The following RALGAPA2 variants were observed in gnomAD, a reference collection of about 807,000 sequenced individuals.
RALGAPA2 encodes the protein Ral GTPase activating protein catalytic subunit alpha 2, also known as ral GTPase-activating protein subunit alpha-2.
A neutral mutation model predicts 230.4 loss-of-function variants in RALGAPA2; 139 were observed. The ratio of observed to expected loss-of-function variants is 0.60; its 90% CI spans 0.53 to 0.69. The LOEUF (loss-of-function observed/expected upper bound fraction) is 0.69. Among genes scored for constraint, RALGAPA2 ranks in the 30% least tolerant of loss-of-function variants. The pLI, the probability that RALGAPA2 is intolerant of heterozygous loss-of-function variation, is 0.00. For synonymous variants in RALGAPA2, 847 were observed against 837.8 expected (o/e 1.01, Z -0.19); for missense variants, 2,163 against 2,276.0 (o/e 0.95, Z 1.01).
chr20:20,439,380 C>T (rs1444680687), intron 37 of RALGAPA2, among the ~76,000 whole-genome samples: 3 of 151,978 alleles, frequency 2.0e-5, no homozygotes, highest in Non-Finnish European at 2.9e-5. Flanking sequence ...GCCCAGCTAA[C>T]TTCTGTATTT....
At chr20:20,627,058 G>A (rs2066510748) in intron 10 of RALGAPA2, among the ~76,000 whole-genome samples, 1 of 152,192 alleles carries the variant, frequency 6.6e-6, no homozygotes, top group South Asian at 2.1e-4. Context: ...AGGGAATGGG[G>A]TAGATTTTAA....
intron 1 of RALGAPA2, among the ~76,000 whole-genome samples, chr20:20,690,222 AC>A (rs2068853775): frequency 6.6e-6 from 1 of 152,116 alleles, no homozygotes; most frequent in African/African-American, 2.4e-5. Flanking sequence ...GTCATCCAGA[AC>A]TTAAGTAATA....
At chr20:20,599,445 G>A (rs1983776046) in intron 16 of RALGAPA2, among the ~76,000 whole-genome samples, 2 of 152,126 alleles carry the variant, frequency 1.3e-5, no homozygotes, top group African/African-American at 4.8e-5. Flanking sequence ...TATACTGCTA[G>A]TCAAATAAAT....
At chr20:20,605,146 C>T (rs369790098) in intron 15 of RALGAPA2, 29 bp downstream of exon 15, 20 of 1,540,738 alleles carry the variant, frequency 1.3e-5, no homozygotes, top group Non-Finnish European at 1.8e-5. Flanking sequence ...TCCTAGACAT[C>T]TGGTGTTAAC....
chr20:20,624,611 G>A (rs2066434015), intron 10 of RALGAPA2, among the ~76,000 whole-genome samples: 1 of 152,068 alleles, frequency 6.6e-6, no homozygotes, highest in South Asian at 2.1e-4. Flanking sequence ...AGTAACTAGA[G>A]GGGGCTAAAG....
chr20:20,586,985 G>A lies in RALGAPA2; in HGVS notation c.2440-2030C>T, dbSNP rs1602953675. Among the ~76,000 whole-genome samples, 3 of 151,926 alleles carry A rather than the reference G, an allele frequency of 2.0e-5. No individual in the cohort carries two copies. In the East Asian group the frequency reaches 5.8e-4, roughly 29 times the overall value. On this transcript the variant is annotated intron_variant, in intron 18 of 39. Transcript: ENST00000202677. ...CAGGTGGAGATACCACTGTACCAAT[G>A]AGGAAAAAATGAGACAATATATGCA...
At chr20:20,596,827 G>T (rs888824713) in intron 16 of RALGAPA2, among the ~76,000 whole-genome samples, 4 of 152,192 alleles carry the variant, frequency 2.6e-5, no homozygotes, top group Non-Finnish European at 5.9e-5. Context: ...ACAATTCTTT[G>T]TTTGGGAGCT....
chr20:20,595,365 T>C (rs556825889), intron 16 of RALGAPA2, among the ~76,000 whole-genome samples: 1 of 152,168 alleles, frequency 6.6e-6, no homozygotes, highest in South Asian at 2.1e-4. Flanking sequence ...TCTGATCCTA[T>C]AAAAAGCATA....
intron 37 of RALGAPA2, among the ~76,000 whole-genome samples, chr20:20,414,933 T>C (rs561480613): frequency 1.3e-4 from 20 of 152,350 alleles, no homozygotes; most frequent in African/African-American, 4.8e-4. Flanking sequence ...CAGGAGATCA[T>C]CAAATACATT....
Position 20,593,827 on chromosome 20 carries a change from C to T in RALGAPA2, c.2204-2513G>A, listed in dbSNP as rs544492145. ...GGTGGGATGCAATATAGCCACAGCA[C>T]CATTGCTTCCAAATTAGAGCGTCCC... On this transcript the variant is annotated intron_variant, in intron 16 of 39. Transcript: ENST00000202677. Among the ~76,000 whole-genome samples the T allele has an allele frequency of 3.3e-4, 50 of 152,330 alleles. No homozygotes were observed. In the South Asian group the frequency reaches 0.01, roughly 32 times the overall value.
intron 1 of RALGAPA2, among the ~76,000 whole-genome samples, chr20:20,702,032 T>G (rs1402768695): frequency 7.0e-6 from 1 of 143,482 alleles, no homozygotes; most frequent in African/African-American, 2.6e-5. Context: ...AGAGCAAGAC[T>G]CCATCTCAAT....
chr20:20,441,529 C>A (rs900359746), intron 37 of RALGAPA2, among the ~76,000 whole-genome samples: 2 of 152,212 alleles, frequency 1.3e-5, no homozygotes, highest in African/African-American at 4.8e-5. Context: ...AGCTCCCTCC[C>A]TTCAGTCGTC....
intron 37 of RALGAPA2, among the ~76,000 whole-genome samples, chr20:20,422,236 C>CA (rs1203520400): frequency 1.3e-5 from 2 of 152,010 alleles, no homozygotes; most frequent in Admixed American, 6.5e-5. Context: ...AGTGAATATA[C>CA]AAAAAACCAT....
intron 36 of RALGAPA2, among the ~76,000 whole-genome samples, chr20:20,476,178 C>A (rs527764284): frequency 1.9e-3 from 292 of 152,144 alleles, no homozygotes; most frequent in Admixed American, 3.5e-3. Flanking sequence ...TTCAACAAAA[C>A]CCAATCAAAA....
At chr20:20,605,755 C>A (rs2065799959) in intron 14 of RALGAPA2, among the ~76,000 whole-genome samples, 1 of 152,166 alleles carries the variant, frequency 6.6e-6, no homozygotes, top group African/African-American at 2.4e-5. Flanking sequence ...GTGGCTACTT[C>A]AAACCTCCTA....
intron 3 of RALGAPA2, among the ~76,000 whole-genome samples, chr20:20,661,703 A>C (rs1228213931): frequency 7.2e-5 from 11 of 152,196 alleles, no homozygotes; most frequent in Admixed American, 7.2e-4. Flanking sequence ...AGTAAGTATA[A>C]GCAGGTTAAA....
intron 3 of RALGAPA2, among the ~76,000 whole-genome samples, chr20:20,669,829 G>A (rs903133153): frequency 3.3e-5 from 5 of 152,074 alleles, no homozygotes; most frequent in Non-Finnish European, 7.4e-5. Flanking sequence ...TACCACACCT[G>A]ATTAAAACGA....
At chr20:20,657,083 A>C (rs1221619547) in intron 3 of RALGAPA2, among the ~76,000 whole-genome samples, 1 of 152,218 alleles carries the variant, frequency 6.6e-6, no homozygotes, top group African/African-American at 2.4e-5. Context: ...TGATAATAGC[A>C]AGGTGAGTTT....
intron 16 of RALGAPA2, among the ~76,000 whole-genome samples, chr20:20,591,554 G>A (rs767398220): frequency 1.3e-5 from 2 of 151,814 alleles, no homozygotes; most frequent in Non-Finnish European, 2.9e-5. Flanking sequence ...TCAAAGTAAA[G>A]GAAAAAAAGC....
Sources: allele counts gnomAD v4.1 joint callset (sites outside exome capture counted in the v4.1 genomes callset), GRCh38; gene constraint gnomAD v4.1.1; transcripts MANE v1.5; gene names NCBI Gene and HGNC (gene_info 2026-07-23, HGNC 2026-07-21).